STARD7: variants seen among roughly 807,000 people sequenced by gnomAD.
STARD7 encodes the protein StAR related lipid transfer domain containing 7, also known as stAR-related lipid transfer protein 7, mitochondrial.
A neutral mutation model predicts 45.3 loss-of-function variants in STARD7; 30 were observed. That is an observed-to-expected ratio of 0.66 (90% CI 0.50 to 0.90). The LOEUF is 0.90. STARD7 is among the 40% of genes least tolerant of loss of function. STARD7 has a pLI of 0.00. For missense variants in STARD7, 495 were observed against 491.3 expected (o/e 1.01, Z -0.07); for synonymous variants, 199 against 183.0 (o/e 1.09, Z -0.70).
At chr2:96,197,119 A>ACATAACATAACATAACATAAC (rs1558735922) in intron 1 of STARD7, among the ~76,000 whole-genome samples, 1 of 143,976 alleles carries the variant, frequency 6.9e-6, no homozygotes, top group Non-Finnish European at 1.5e-5. Flanking sequence ...AATAAAATAA[A>ACATAACATAACATAACATAAC]ATAAAGCCAA....
chr2:96,199,283 TATTA>T (rs1683270857), intron 1 of STARD7, among the ~76,000 whole-genome samples: 1 of 152,242 alleles, frequency 6.6e-6, no homozygotes, highest in South Asian at 2.1e-4. Flanking sequence ...ATCTTAGCAA[TATTA>T]AGTGTTCTAA....
Position 96,208,702 on chromosome 2 carries a change from G to C in STARD7, c.-268C>G. 4.8e-6 allele frequency: 2 copies of C among 417,394 alleles called. No homozygotes were observed. 25.9% of individuals were successfully genotyped at this position (417,394 alleles called of 1,614,324 possible). A position where few individuals can be genotyped will look rare whatever the true frequency, so the allele number is the denominator to read the frequency against. On this transcript the variant is annotated 5_prime_UTR_variant, in exon 1 of 8. Transcript: ENST00000337288. Reference sequence around the variant, plus strand: ...CTGGGCCCGGGCAGCAGACCAGTCAGCCCTGTGGCTCCTCGGCGACCTCCA... The same window carrying C: ...CTGGGCCCGGGCAGCAGACCAGTCACCCCTGTGGCTCCTCGGCGACCTCCA...
In STARD7 at chr2:96,193,117, C is replaced by G. The variant is rs763820103; in HGVS notation, c.704G>C (p.Ser235Thr). 6.2e-7 allele frequency: 1 copy of G among 1,613,856 alleles called. No individual in the cohort carries two copies. The highest frequency in any genetic ancestry group is 1.1e-5 in the South Asian group (1 of 91,058). ...CATCATGTTGTTTTCCTGATCCACA[C>G]TATACCGCCGAACATAAACATAATC... ...SRDYVYVRRY[S>T]VDQENNMMVL... is the part of the protein sequence containing the mutation. Residue 235 changes from serine (S) to threonine (T), a missense_variant, in exon 5 of 8, where the codon AGT becomes ACT. Ser to Thr is a moderately conservative substitution (Grantham distance 58). Around this residue, in one of 2 missense-constraint regions of STARD7, gnomAD observed 213 missense variants for 271.2 expected, o/e 0.79. Coordinates refer to ENST00000337288, the MANE Select transcript of STARD7 (RefSeq NM_020151.4).
At chr2:96,189,247 C>T (rs1036396140) in intron 6 of STARD7, among the ~76,000 whole-genome samples, 1 of 152,132 alleles carries the variant, frequency 6.6e-6, no homozygotes, top group South Asian at 2.1e-4. Flanking sequence ...CCGTGCTCAG[C>T]CAGAGTGTTA....
intron 2 of STARD7, 48 bp downstream of exon 2, chr2:96,195,293 T>C (rs747590069): frequency 1.1e-5 from 16 of 1,435,950 alleles, no homozygotes; most frequent in South Asian, 3.7e-5. Context: ...AGAAATCCCA[T>C]GCACCTGTGC....
At chr2:96,195,789 G>A (rs1683194244) in intron 1 of STARD7, among the ~76,000 whole-genome samples, 1 of 152,082 alleles carries the variant, frequency 6.6e-6, no homozygotes, top group Admixed American at 6.6e-5. Context: ...AATAATAATA[G>A]TACCTATCTC....
chr2:96,202,340 C>T lies in STARD7; in HGVS notation c.290+5805G>A, dbSNP rs541756822. Among the ~76,000 whole-genome samples, 9 of 152,294 alleles carry T rather than the reference C, an allele frequency of 5.9e-5. No homozygotes were observed. In the South Asian group the frequency reaches 1.9e-3, roughly 32 times the overall value. On this transcript the variant is annotated intron_variant, in intron 1 of 7. Coordinates refer to ENST00000337288, the MANE Select transcript of STARD7 (RefSeq NM_020151.4). ...ATTCCTGCTGCAGGTCTTGGTCAACCTGTACCCTGGCCTTGTCAATACTGA... is the reference window on the plus strand; with the variant it reads ...ATTCCTGCTGCAGGTCTTGGTCAACTTGTACCCTGGCCTTGTCAATACTGA...
chr2:96,189,818 C>T (rs1030052426), intron 6 of STARD7, among the ~76,000 whole-genome samples: 2 of 151,768 alleles, frequency 1.3e-5, no homozygotes, highest in East Asian at 3.8e-4. Context: ...TATTGTTATT[C>T]TGAGGCTGTG....
At chr2:96,189,094 C>T (rs1446654567) in intron 6 of STARD7, among the ~76,000 whole-genome samples, 1 of 152,002 alleles carries the variant, frequency 6.6e-6, no homozygotes, top group African/African-American at 2.4e-5. Context: ...GGACTACAGG[C>T]ATGCACTACC....
chr2:96,204,709 T>G (rs1683360275), intron 1 of STARD7, among the ~76,000 whole-genome samples: 2 of 144,188 alleles, frequency 1.4e-5, no homozygotes, highest in African/African-American at 5.1e-5. Flanking sequence ...AACAAGGGGT[T>G]TAAGGGTTTA....
Position 96,195,538 on chromosome 2 carries a change from T to C in STARD7, c.302A>G (p.Glu101Gly). Residue 101 changes from glutamate to glycine, a missense_variant, in exon 2 of 8, where the codon GAG becomes GGG. Physicochemically the swap from Glu to Gly is moderately conservative, Grantham distance 98. Coordinates refer to ENST00000337288, the MANE Select transcript of STARD7 (RefSeq NM_020151.4). Reference sequence around the variant, plus strand: ...TGACATTTCTTCCAACCGCTTCATCTCATTAATAGATCTGTAAAGGGGAAA... The same window carrying C: ...TGACATTTCTTCCAACCGCTTCATCCCATTAATAGATCTGTAAAGGGGAAA... Reference protein sequence around the residue: ...QEEELQRSINEMKRLEEMSNM... With the variant: ...QEEELQRSINGMKRLEEMSNM... The C allele has an allele frequency of 6.2e-7, 1 of 1,612,898 alleles. No homozygotes were observed. The highest frequency in any genetic ancestry group is 2.2e-5 in the East Asian group (1 of 44,862).
Position 96,186,927 on chromosome 2 carries a change from G to T in STARD7, c.929-13C>A. On this transcript the variant is annotated splice_polypyrimidine_tract_variant and intron_variant, in intron 7 of 7. Coordinates refer to ENST00000337288, the MANE Select transcript of STARD7 (RefSeq NM_020151.4). ...AAATCTGGCATGCCTGTCAGGAGAC[G>T]AGAATCAGGTTAAGCTGACATACAA... 1 of 1,608,478 alleles carries T rather than the reference G, an allele frequency of 6.2e-7. No homozygotes were observed. The highest frequency in any genetic ancestry group is 1.1e-5 in the South Asian group (1 of 90,224).
chr2:96,196,094 C>CA (rs1396775349), intron 1 of STARD7, among the ~76,000 whole-genome samples: 1 of 134,356 alleles, frequency 7.4e-6, no homozygotes, highest in Non-Finnish European at 1.5e-5. Context: ...GCCTGGGCGA[C>CA]AGAGTGAGAC....
intron 1 of STARD7, among the ~76,000 whole-genome samples, chr2:96,204,902 T>A (rs1361317199): frequency 6.6e-6 from 1 of 152,222 alleles, no homozygotes; most frequent in Non-Finnish European, 1.5e-5. Flanking sequence ...TAATGGCACT[T>A]ATTTACTCAA....
At chr2:96,187,174 G>T in intron 7 of STARD7, 43 bp downstream of exon 7, 1 of 1,408,816 alleles carries the variant, frequency 7.1e-7, no homozygotes, top group Non-Finnish European at 9.9e-7. Context: ...AAAACAAAAT[G>T]CTCAACCCAG....
At chr2:96,193,688 AAAC>A (rs1386744631) in intron 3 of STARD7, among the ~76,000 whole-genome samples, 1 of 152,240 alleles carries the variant, frequency 6.6e-6, no homozygotes. Context: ...AAAAAGTTTT[AAAC>A]AACAAAAAGT....
intron 6 of STARD7, chr2:96,188,237 T>C: frequency 6.8e-6 from 1 of 148,080 alleles, no homozygotes; most frequent in East Asian, 2.1e-4. Flanking sequence ...ATTGAGCCAC[T>C]GTACTCCAGC....
chr2:96,200,405 A>G (rs1239146922), intron 1 of STARD7, among the ~76,000 whole-genome samples: 2 of 152,186 alleles, frequency 1.3e-5, no homozygotes, highest in Non-Finnish European at 2.9e-5. Flanking sequence ...AAACACCACC[A>G]TATATTGTAC....
At chr2:96,187,104 G>GAA (rs367591402) in intron 7 of STARD7, 113 bp downstream of exon 7, 1,363 of 744,976 alleles carry the variant, frequency 1.8e-3, no homozygotes, top group South Asian at 3.3e-3. Flanking sequence ...CTCTGTCTCA[G>GAA]AAAAAAAAAA....
Sources: allele counts gnomAD v4.1 joint callset (sites outside exome capture counted in the v4.1 genomes callset), GRCh38; gene constraint gnomAD v4.1.1; regional missense constraint gnomAD v4.1.1; transcripts MANE v1.5; gene names NCBI Gene and HGNC (gene_info 2026-07-23, HGNC 2026-07-21).